The following IGSF21 variants were observed in gnomAD, a reference collection of about 807,000 sequenced individuals.
The protein encoded by IGSF21 is immunoglobulin superfamily member 21.
A neutral mutation model predicts 46.8 loss-of-function variants in IGSF21; 28 were observed. The observed-to-expected ratio is 0.60, with a 90% CI of 0.44 to 0.82. The LOEUF is 0.82. Ranked by LOEUF, IGSF21 falls within the 40% of genes least tolerant of loss-of-function variation. IGSF21 has a pLI of 0.00. For synonymous variants in IGSF21, 284 were observed against 273.6 expected, an observed-to-expected ratio of 1.04 and a Z score of -0.38; for missense variants, 624 against 665.5, an observed-to-expected ratio of 0.94 and a Z score of 0.69.
At chr1:18,262,820 G>C (rs1176525745) in intron 2 of IGSF21, among the ~76,000 whole-genome samples, 1 of 152,214 alleles carries the variant, frequency 6.6e-6, no homozygotes, top group Non-Finnish European at 1.5e-5. Context: ...CTGGCCTCAA[G>C]GGGCTGCCTG....
rs41300138 is a variant in IGSF21 at position 18,365,171 on chromosome 1, G to T, written c.541-52G>T. ...AGTTCATCGGAGAACCCACTGGGAGGTTGAAGTTAGTAGCACAAAATCATT... is the reference window on the plus strand; with the variant it reads ...AGTTCATCGGAGAACCCACTGGGAGTTTGAAGTTAGTAGCACAAAATCATT... On this transcript the variant is annotated intron_variant, in intron 5 of 9. Transcript: ENST00000251296. This position sits in a 1 kb window ranked among gnomAD's most constrained non-coding sequence, Gnocchi z 4.8. The T allele has an allele frequency of 0.11, 155,110 of 1,432,318 alleles. 9,141 individuals are homozygous for T. The highest frequency in any genetic ancestry group is 0.2 in the East Asian group (8,945 of 43,750). 88.7% of individuals were successfully genotyped at this position (1,432,318 alleles called of 1,614,324 possible).
rs759289256 is a variant in IGSF21 at position 18,335,057 on chromosome 1, G to C, written c.424+47G>C. ...CCTGGTGTCTCAGTGAGGAGGACGA[G>C]TATGCTTGAGTGTGTGAATGTGCGC... is the stretch of plus-strand genomic sequence containing the variant. On this transcript the variant is annotated intron_variant, in intron 4 of 9. Transcript: ENST00000251296. The surrounding 1 kb of genome is among the most constrained non-coding windows in gnomAD (Gnocchi z 4.8). 2.8e-6 allele frequency: 4 copies of C among 1,422,718 alleles called. No individual in the cohort carries two copies. Among genetic ancestry groups the C allele is most frequent in the Non-Finnish European group, 4.0e-6 (4 of 1,005,888 alleles). 88.1% of individuals were successfully genotyped at this position (1,422,718 alleles called of 1,614,324 possible). A position where few individuals can be genotyped will look rare whatever the true frequency, so the allele number is the denominator to read the frequency against.
chr1:18,350,970 G>C (rs2124620114), intron 4 of IGSF21, among the ~76,000 whole-genome samples: 1 of 152,144 alleles, frequency 6.6e-6, no homozygotes, highest in South Asian at 2.1e-4. Context: ...GAGTGGCTCA[G>C]AGCACTGACC....
chr1:18,160,675 T>C (rs767963656), intron 1 of IGSF21, among the ~76,000 whole-genome samples: 3 of 152,076 alleles, frequency 2.0e-5, no homozygotes, highest in Non-Finnish European at 4.4e-5. Flanking sequence ...GCTCCTGTCA[T>C]AGTCATTATA....
intron 3 of IGSF21, among the ~76,000 whole-genome samples, chr1:18,292,549 C>T (rs929942594): frequency 1.3e-5 from 2 of 152,140 alleles, no homozygotes; most frequent in African/African-American, 4.8e-5. Context: ...TTCCAGGAGG[C>T]GGGTGGCAGA....
intron 2 of IGSF21, among the ~76,000 whole-genome samples, chr1:18,275,301 T>C (rs545198660): frequency 6.6e-6 from 1 of 152,258 alleles, no homozygotes; most frequent in East Asian, 1.9e-4. Flanking sequence ...AGCTGGGGCT[T>C]GGCGTCTCCA....
chr1:18,321,184 T>G (rs1253545556), intron 3 of IGSF21, among the ~76,000 whole-genome samples: 1 of 152,148 alleles, frequency 6.6e-6, no homozygotes, highest in Non-Finnish European at 1.5e-5. Context: ...GAAAACATGG[T>G]CCCTGCAGAC....
At chr1:18,317,238 T>A (rs1326353405) in intron 3 of IGSF21, among the ~76,000 whole-genome samples, 1 of 144,774 alleles carries the variant, frequency 6.9e-6, no homozygotes, top group African/African-American at 2.6e-5. Flanking sequence ...CTACTCCAGG[T>A]CTGTGGCTAG....
chr1:18,181,580 A>C (rs1177915683), intron 1 of IGSF21, among the ~76,000 whole-genome samples: 2 of 151,878 alleles, frequency 1.3e-5, no homozygotes, highest in Non-Finnish European at 2.9e-5. Context: ...ATGGATGCCC[A>C]CTCTGCCTAG....
chr1:18,206,672 G>A (rs1489130851), intron 1 of IGSF21, among the ~76,000 whole-genome samples: 1 of 152,164 alleles, frequency 6.6e-6, no homozygotes, highest in Non-Finnish European at 1.5e-5. Flanking sequence ...AGCAGAGTGG[G>A]CCTGAGAAAG....
At chr1:18,350,707 C>A (rs2085943573) in intron 4 of IGSF21, among the ~76,000 whole-genome samples, 1 of 152,182 alleles carries the variant, frequency 6.6e-6, no homozygotes, top group South Asian at 2.1e-4. Flanking sequence ...CTCCTCCCCA[C>A]TCACCCACCT....
intron 2 of IGSF21, among the ~76,000 whole-genome samples, chr1:18,281,067 C>CTGTGAACT (rs879554413): frequency 0.017 from 1,761 of 101,538 alleles, 33 homozygotes; most frequent in Middle Eastern, 0.065. Context: ...CCCTGATGAC[C>CTGTGAACT]CCTCTGTCCA....
At chr1:18,134,969 C>G (rs1416471700) in intron 1 of IGSF21, among the ~76,000 whole-genome samples, 1 of 152,260 alleles carries the variant, frequency 6.6e-6, no homozygotes, top group Non-Finnish European at 1.5e-5. Context: ...CATATGCTCA[C>G]TCCAGGCCCT....
chr1:18,108,167 G>A lies in IGSF21; in HGVS notation c.39G>A (p.Leu13=), dbSNP rs1287321547. The change falls in exon 1 of 10, where the codon CTG becomes CTA. Residue 13 remains leucine, a synonymous_variant. Coordinates refer to ENST00000251296, the MANE Select transcript of IGSF21 (RefSeq NM_032880.5). ...CGAGCCTCCGCCGCTGCGTCTGCCT[G>A]CTGCTCGCCGCGATCCTGGACCTGG... ...TAPSLRRCVC[L]LLAAILDLAR... 8.3e-6 allele frequency: 12 copies of A among 1,447,910 alleles called. No individual in the cohort carries two copies. The East Asian group carries it at 3.4e-4, about 41-fold the overall frequency. The allele number at this position is 1,447,910 out of a possible 1,614,324, so 89.7% of individuals were successfully genotyped here.
intron 2 of IGSF21, among the ~76,000 whole-genome samples, 166 bp downstream of exon 2, chr1:18,228,176 G>A (rs3738088): frequency 6.6e-6 from 1 of 152,002 alleles, no homozygotes; most frequent in East Asian, 1.9e-4. Context: ...CACCCTCCTT[G>A]GGTACTAGCC....
chr1:18,312,346 G>A (rs922457779), intron 3 of IGSF21, among the ~76,000 whole-genome samples: 7 of 152,212 alleles, frequency 4.6e-5, no homozygotes, highest in African/African-American at 1.7e-4. Context: ...TTTTAGCCCA[G>A]TAGGAACTCA....
intron 2 of IGSF21, among the ~76,000 whole-genome samples, chr1:18,258,516 A>G (rs1478281781): frequency 2.6e-5 from 4 of 152,186 alleles, no homozygotes; most frequent in Non-Finnish European, 5.9e-5. Flanking sequence ...GATTTTTGTC[A>G]TAAGTACACT....
intron 2 of IGSF21, among the ~76,000 whole-genome samples, chr1:18,238,330 A>G (rs1158692020): frequency 6.6e-6 from 1 of 152,136 alleles, no homozygotes; most frequent in Non-Finnish European, 1.5e-5. Flanking sequence ...GAGGCAGTCA[A>G]CCTTAGGCAG....
At chr1:18,249,342 T>G (rs182788284) in intron 2 of IGSF21, among the ~76,000 whole-genome samples, 19 of 152,108 alleles carry the variant, frequency 1.2e-4, no homozygotes, top group Non-Finnish European at 2.2e-4. Context: ...CAGCCCGAGT[T>G]AGGGGATCAG....
Sources: allele counts gnomAD v4.1 joint callset (sites outside exome capture counted in the v4.1 genomes callset), GRCh38; gene constraint gnomAD v4.1.1; non-coding constraint Gnocchi (gnomAD v3.1); transcripts MANE v1.5; gene names NCBI Gene and HGNC (gene_info 2026-07-23, HGNC 2026-07-21).